The following CCSER2 variants were observed in gnomAD, a reference collection of about 807,000 sequenced individuals.
The protein encoded by CCSER2 is serine-rich coiled-coil domain-containing protein 2.
CCSER2 carries 46 observed loss-of-function variants against 92.3 expected under a neutral mutation model. That is an observed-to-expected ratio of 0.50 (90% CI 0.39 to 0.64). The LOEUF is 0.64. Among genes scored for constraint, CCSER2 ranks in the 30% least tolerant of loss-of-function variants. The pLI, the probability that CCSER2 is intolerant of heterozygous loss-of-function variation, is 0.00. For missense variants in CCSER2, 1,244 were observed against 1,238.9 expected (o/e 1.00, Z -0.06); for synonymous variants, 433 against 431.4 (o/e 1.00, Z -0.04).
At chr10:84,485,329 C>G (rs1847741528) in intron 9 of CCSER2, among the ~76,000 whole-genome samples, 1 of 152,206 alleles carries the variant, frequency 6.6e-6, no homozygotes, top group South Asian at 2.1e-4. Context: ...TGTACCACCA[C>G]AGCATTTTCC....
chr10:84,337,342 A>G (rs557165648), intron 1 of CCSER2, among the ~76,000 whole-genome samples: 1 of 152,354 alleles, frequency 6.6e-6, no homozygotes, highest in East Asian at 1.9e-4. Context: ...ACTGAGTTGT[A>G]TCAGTGAAGC....
intron 3 of CCSER2, chr10:84,389,404 C>A: frequency 2.0e-6 from 1 of 500,116 alleles, no homozygotes; most frequent in South Asian, 1.5e-5. Flanking sequence ...CTGGCAGTTC[C>A]TTGAGGGCTT....
chr10:84,385,807 A>G (rs1463413729), intron 3 of CCSER2, among the ~76,000 whole-genome samples: 3 of 152,170 alleles, frequency 2.0e-5, no homozygotes, highest in Admixed American at 6.5e-5. Context: ...CAGACAACCT[A>G]CAGAATGTGA....
chr10:84,499,787 T>C, intron 9 of CCSER2: 1 of 1,346,876 alleles, frequency 7.4e-7, no homozygotes, highest in African/African-American at 1.4e-5. Context: ...TCTGTGTTAT[T>C]TAAAAGTAAA....
Position 84,514,818 on chromosome 10 carries a change from ATG to A in CCSER2, c.*553_*554del, listed in dbSNP as rs1169426598. The A allele has an allele frequency of 6.5e-6, 1 of 152,778 alleles. No homozygotes were observed. The highest frequency in any genetic ancestry group is 1.5e-5 in the Non-Finnish European group (1 of 68,120). The allele number at this position is 152,778 out of a possible 1,614,324, so 9.5% of individuals were successfully genotyped here. A position where few individuals can be genotyped will look rare whatever the true frequency, so the allele number is the denominator to read the frequency against. On this transcript the variant is annotated 3_prime_UTR_variant, in exon 10 of 10. Coordinates refer to ENST00000372088, the MANE Select transcript of CCSER2 (RefSeq NM_001284240.2). The stretch of plus-strand genomic sequence containing the variant: ...AGATTAGGCTTTTAATGGAAAGTCT[ATG>A]TAAGTTTTATTTTTCCTTGCCAGGG...
At chr10:84,495,790 C>T (rs555875325) in intron 9 of CCSER2, among the ~76,000 whole-genome samples, 77 of 137,568 alleles carry the variant, frequency 5.6e-4, no homozygotes, top group Admixed American at 1.4e-3. Context: ...TTTTTTTTGG[C>T]GTGGTATATC....
chr10:84,354,989 CATT>C (rs1845082195), intron 1 of CCSER2, among the ~76,000 whole-genome samples: 2 of 151,880 alleles, frequency 1.3e-5, no homozygotes, highest in Non-Finnish European at 2.9e-5. Context: ...ATTTTGTGCC[CATT>C]ATTGTGACAA....
Position 84,346,926 on chromosome 10 carries a change from T to C in CCSER2, c.-40+18118T>C, listed in dbSNP as rs910488859. 3.3e-5 allele frequency among the ~76,000 whole-genome samples: 5 copies of C among 152,014 alleles called. No homozygotes were observed. The East Asian group carries it at 7.7e-4, about 23-fold the overall frequency. On this transcript the variant is annotated intron_variant, in intron 1 of 9. Transcript: ENST00000372088. ...TGGTTTTCCTAGGCAGAGGACCCTG[T>C]GGCCTTCCGCAGTGTTTGTGTCCCT... is the stretch of plus-strand genomic sequence containing the variant.
intron 8 of CCSER2, among the ~76,000 whole-genome samples, chr10:84,475,907 A>AC (rs112162429): frequency 0.11 from 15,991 of 152,136 alleles, 996 homozygotes; most frequent in Admixed American, 0.15. Flanking sequence ...ATCTCAGCAC[A>AC]CTGTGGCCTC....
intron 6 of CCSER2, among the ~76,000 whole-genome samples, chr10:84,460,975 T>C (rs1012255007): frequency 2.0e-5 from 3 of 152,166 alleles, no homozygotes; most frequent in Non-Finnish European, 2.9e-5. Context: ...ATTTCTGCTC[T>C]TGATTATTTT....
chr10:84,475,580 A>G (rs1410418181), intron 8 of CCSER2, among the ~76,000 whole-genome samples: 2 of 152,204 alleles, frequency 1.3e-5, no homozygotes, highest in Non-Finnish European at 2.9e-5. Flanking sequence ...TAAACCCATT[A>G]TAGGTTGAAA....
At chr10:84,337,000 G>T (rs760751625) in intron 1 of CCSER2, among the ~76,000 whole-genome samples, 2 of 152,198 alleles carry the variant, frequency 1.3e-5, no homozygotes, top group Non-Finnish European at 2.9e-5. Flanking sequence ...GGGTAAGAGC[G>T]CAGAAGAAGC....
Position 84,488,429 on chromosome 10 carries a change from G to T in CCSER2, c.2325+10765G>T, listed in dbSNP as rs1271174860. ...GCCTCAATTTCAGAGCCTGTTGTTG[G>T]TCTATTCAGGGATTCAAGTTCTTCC... is the stretch of plus-strand genomic sequence containing the variant. On this transcript the variant is annotated intron_variant, in intron 9 of 9. Transcript: ENST00000372088. 1.1e-4 allele frequency among the ~76,000 whole-genome samples: 16 copies of T among 152,282 alleles called. No homozygotes were observed. The South Asian group carries it at 3.1e-3, about 30-fold the overall frequency.
At chr10:84,440,803 G>A (rs1241366730) in intron 6 of CCSER2, among the ~76,000 whole-genome samples, 2 of 152,144 alleles carry the variant, frequency 1.3e-5, no homozygotes, top group Non-Finnish European at 2.9e-5. Context: ...AATAAGTTTG[G>A]TTGGTATGAA....
intron 9 of CCSER2, among the ~76,000 whole-genome samples, chr10:84,505,209 G>A (rs1848978427): frequency 6.6e-6 from 1 of 151,936 alleles, no homozygotes; most frequent in African/African-American, 2.4e-5. Flanking sequence ...TGCATTATGT[G>A]GATATATTCT....
intron 3 of CCSER2, among the ~76,000 whole-genome samples, chr10:84,383,722 A>G (rs1841041647): frequency 6.6e-6 from 1 of 152,084 alleles, no homozygotes; most frequent in Non-Finnish European, 1.5e-5. Context: ...CTACTGTCAA[A>G]CTGTTTTCAT....
intron 6 of CCSER2, among the ~76,000 whole-genome samples, chr10:84,461,397 C>T (rs10887302): frequency 0.28 from 42,993 of 151,970 alleles, 7,974 homozygotes; most frequent in African/African-American, 0.53. Flanking sequence ...TCTGCCCACC[C>T]CTATCCTTCT....
chr10:84,406,174 C>G (rs1160794798), intron 3 of CCSER2, among the ~76,000 whole-genome samples: 1 of 152,168 alleles, frequency 6.6e-6, no homozygotes, highest in Non-Finnish European at 1.5e-5. Flanking sequence ...CAAAATGTTA[C>G]ATGCTGTATG....
chr10:84,361,400 T>C (rs1254137422), intron 1 of CCSER2, among the ~76,000 whole-genome samples: 2 of 152,204 alleles, frequency 1.3e-5, no homozygotes, highest in Non-Finnish European at 2.9e-5. Context: ...TGAAAGGTTA[T>C]GATTTTGAAG....
Sources: allele counts gnomAD v4.1 joint callset (sites outside exome capture counted in the v4.1 genomes callset), GRCh38; gene constraint gnomAD v4.1.1; transcripts MANE v1.5; gene names NCBI Gene and HGNC (gene_info 2026-07-23, HGNC 2026-07-21).